Variants in SAFB2 observed in about 807,000 individuals in gnomAD.
The protein encoded by SAFB2 is scaffold attachment factor B2.
SAFB2 carries 32 observed loss-of-function variants against 100.6 expected under a neutral mutation model. That is an observed-to-expected ratio of 0.32 (90% CI 0.24 to 0.43). The LOEUF is 0.43. Ranked by LOEUF, SAFB2 falls within the 20% of genes least tolerant of loss-of-function variation. SAFB2 has a pLI of 1.00. For synonymous variants in SAFB2, 500 were observed against 439.4 expected (o/e 1.14, Z -1.72); for missense variants, 1,185 against 1,163.4 (o/e 1.02, Z -0.27).
chr19:5,612,683 T>A (rs2052934149), intron 5 of SAFB2, 116 bp from the exon 6 acceptor site: 4 of 783,858 alleles, frequency 5.1e-6, no homozygotes, highest in Non-Finnish European at 8.5e-6. Context: ...CCACAAAACT[T>A]TCTTGTCTCC....
intron 5 of SAFB2, among the ~76,000 whole-genome samples, chr19:5,613,004 C>T (rs942367269): frequency 2.0e-5 from 3 of 152,278 alleles, no homozygotes; most frequent in Admixed American, 1.3e-4. Context: ...TTTCCGACAT[C>T]TGTCTCACTT....
chr19:5,592,295 C>G (rs1412532220), intron 16 of SAFB2, among the ~76,000 whole-genome samples: 1 of 152,204 alleles, frequency 6.6e-6, no homozygotes, highest in African/African-American at 2.4e-5. Context: ...AAACCAAGGG[C>G]TGCCTTTTTA....
At chr19:5,606,559 C>T (rs1436802323) in intron 9 of SAFB2, among the ~76,000 whole-genome samples, 1 of 151,874 alleles carries the variant, frequency 6.6e-6, no homozygotes, top group Non-Finnish European at 1.5e-5. Flanking sequence ...CCCGGGAGCT[C>T]GAGGCTGCAG....
intron 9 of SAFB2, 77 bp downstream of exon 9, chr19:5,609,918 G>A (rs894666184): frequency 6.3e-6 from 8 of 1,277,260 alleles, no homozygotes; most frequent in East Asian, 5.0e-5. Context: ...GATTATAGAC[G>A]TGAACCACCG....
At chr19:5,599,141 G>A (rs11670776) in intron 12 of SAFB2, among the ~76,000 whole-genome samples, 16,009 of 152,024 alleles carry the variant, frequency 0.11, 1,170 homozygotes, top group Non-Finnish European at 0.17. Flanking sequence ...CCTGCAGCAC[G>A]CACACAAGCA....
intron 2 of SAFB2, among the ~76,000 whole-genome samples, chr19:5,617,136 AAC>A (rs538181201): frequency 4.5e-4 from 69 of 152,360 alleles, no homozygotes; most frequent in African/African-American, 1.5e-3. Flanking sequence ...TCAACAAACC[AAC>A]AAAAAAATGC....
chr19:5,588,002 T>TG, intron 18 of SAFB2, 22 bp from the exon 19 acceptor site: 1 of 1,600,064 alleles, frequency 6.2e-7, no homozygotes, highest in African/African-American at 1.3e-5. Context: ...GAAAAAGACA[T>TG]GCAGCCATCT....
At chr19:5,601,206 A>C (rs1273837200) in intron 11 of SAFB2, among the ~76,000 whole-genome samples, 1 of 152,182 alleles carries the variant, frequency 6.6e-6, no homozygotes, top group East Asian at 1.9e-4. Context: ...ATAGTAATTA[A>C]TGGTACATCC....
Position 5,622,587 on chromosome 19 carries a change from C to T in SAFB2, c.129G>A (p.Lys43=), listed in dbSNP as rs145209735. 72 of 1,613,422 alleles carry T rather than the reference C, an allele frequency of 4.5e-5. 1 individual carries two copies. The highest frequency in any genetic ancestry group is 2.9e-4 in the South Asian group (26 of 91,064). ...TGCCGCCCGTGTCCAGGTTCCGCTT[C>T]TTCAGCTCCGCCCGCAGATCGATCA... is the stretch of plus-strand genomic sequence containing the variant. ...LRVIDLRAEL[K]KRNLDTGGNK... The change falls in exon 1 of 21, where the codon AAG becomes AAA. Residue 43 remains lysine, a synonymous_variant. Transcript: ENST00000252542.
Position 5,598,872 on chromosome 19 carries a change from A to G in SAFB2, c.1703T>C (p.Met568Thr). Residue 568 changes from methionine (M) to threonine (T), a missense_variant, in exon 13 of 21, where the codon ATG (methionine) becomes ACG (threonine). Physicochemically the swap from Met to Thr is moderately conservative, Grantham distance 81. Coordinates refer to ENST00000252542, the MANE Select transcript of SAFB2 (RefSeq NM_014649.3). ...TTTATCCATCACGACCGTCCGCTCC[A>G]TTCCTCTGCTTCCTTCAGGAAAAAA... ...SRVTKSGSRG[M>T]ERTVVMDKSK... The G allele has an allele frequency of 1.9e-6, 3 of 1,614,082 alleles. No individual in the cohort carries two copies. Among genetic ancestry groups the G allele is most frequent in the Non-Finnish European group, 2.5e-6 (3 of 1,180,018 alleles).
At chr19:5,598,040 G>A (rs1453281622) in intron 13 of SAFB2, among the ~76,000 whole-genome samples, 1 of 151,568 alleles carries the variant, frequency 6.6e-6, no homozygotes, top group African/African-American at 2.4e-5. Context: ...GAGAGGCTGA[G>A]GCAGGAGTCG....
At chr19:5,598,209 C>T (rs538186132) in intron 13 of SAFB2, among the ~76,000 whole-genome samples, 17 of 151,742 alleles carry the variant, frequency 1.1e-4, no homozygotes, top group African/African-American at 1.7e-4. Flanking sequence ...ACTCCACATT[C>T]GTTAAAAAAG....
chr19:5,599,331 A>G (rs1167572273), intron 12 of SAFB2, among the ~76,000 whole-genome samples: 6 of 152,068 alleles, frequency 3.9e-5, no homozygotes, highest in Admixed American at 3.9e-4. Flanking sequence ...CCCTCCATTC[A>G]TCTCCAGCAA....
intron 14 of SAFB2, 117 bp from the exon 15 acceptor site, chr19:5,594,295 A>C: frequency 1.5e-6 from 2 of 1,290,708 alleles, no homozygotes; most frequent in Non-Finnish European, 2.1e-6. Context: ...CCAAAAGCTC[A>C]CCGGGCTTCC....
intron 11 of SAFB2, among the ~76,000 whole-genome samples, chr19:5,602,464 A>T (rs1163676779): frequency 1.6e-5 from 2 of 122,738 alleles, no homozygotes; most frequent in Admixed American, 1.1e-4. Flanking sequence ...TGGGTGACAG[A>T]GCGAGACTCT....
chr19:5,615,010 A>C (rs1018420587), intron 4 of SAFB2, among the ~76,000 whole-genome samples: 1 of 152,192 alleles, frequency 6.6e-6, no homozygotes, highest in African/African-American at 2.4e-5. Context: ...CAGGAGTTCG[A>C]GACCAGCTCA....
intron 6 of SAFB2, chr19:5,612,195 C>T (rs965510083): frequency 1.3e-5 from 5 of 373,386 alleles, no homozygotes; most frequent in African/African-American, 8.4e-5. Context: ...GCCTTAACTG[C>T]GTTAATCAAA....
At chr19:5,590,816 C>T (rs2052381613) in intron 17 of SAFB2, among the ~76,000 whole-genome samples, 1 of 152,248 alleles carries the variant, frequency 6.6e-6, no homozygotes, top group African/African-American at 2.4e-5. Flanking sequence ...GCCTCCCTGG[C>T]CAACCAACTC....
intron 4 of SAFB2, among the ~76,000 whole-genome samples, chr19:5,614,639 T>C (rs773896679): frequency 3.3e-5 from 5 of 152,186 alleles, no homozygotes; most frequent in Non-Finnish European, 7.3e-5. Context: ...AAAGCTGCAA[T>C]GCCTTAAGGA....
Sources: allele counts gnomAD v4.1 joint callset (sites outside exome capture counted in the v4.1 genomes callset), GRCh38; gene constraint gnomAD v4.1.1; transcripts MANE v1.5; gene names NCBI Gene and HGNC (gene_info 2026-07-23, HGNC 2026-07-21).